Variants in CPQ observed in about 807,000 individuals in gnomAD.
CPQ encodes carboxypeptidase Q.
A neutral mutation model predicts 45.7 loss-of-function variants in CPQ; 37 were observed. The ratio of observed to expected loss-of-function variants is 0.81; its 90% CI spans 0.62 to 1.07. The LOEUF is 1.07. Ranked by LOEUF, CPQ falls within the 50% of genes least tolerant of loss-of-function variation. The pLI, the probability that CPQ is intolerant of heterozygous loss-of-function variation, is 0.00. For synonymous variants in CPQ, 186 were observed against 205.8 expected (o/e 0.90, Z 0.82); for missense variants, 537 against 572.9 (o/e 0.94, Z 0.64).
chr8:97,115,519 T>C (rs759816101), intron 7 of CPQ, among the ~76,000 whole-genome samples: 5 of 152,238 alleles, frequency 3.3e-5, no homozygotes, highest in East Asian at 1.9e-4. Context: ...CAGGTATTCA[T>C]GTTGTTGAAA....
At chr8:96,817,896 T>A (rs1220051395) in intron 2 of CPQ, among the ~76,000 whole-genome samples, 4 of 152,096 alleles carry the variant, frequency 2.6e-5, no homozygotes, top group South Asian at 2.1e-4. Flanking sequence ...ATTACAGCAA[T>A]GGGCCACCAC....
At chr8:96,704,581 G>C (rs115874521) in intron 1 of CPQ, among the ~76,000 whole-genome samples, 3,142 of 152,194 alleles carry the variant, frequency 0.021, 121 homozygotes, top group African/African-American at 0.072. Flanking sequence ...ACATTAGAAT[G>C]TGTGATATAA....
rs1205509178 is a variant in CPQ at position 96,954,896 on chromosome 8, C to T, written c.850-11039C>T. The stretch of plus-strand genomic sequence containing the variant: ...GTTTGCTGAGAATGATGGTTTCCAG[C>T]TTCATCCATGTCCCTACAAAGGACA... On this transcript the variant is annotated intron_variant, in intron 4 of 7. Coordinates refer to ENST00000220763, the MANE Select transcript of CPQ (RefSeq NM_016134.4). 2.0e-5 allele frequency among the ~76,000 whole-genome samples: 3 copies of T among 152,172 alleles called. No homozygotes were observed. The East Asian group carries it at 5.8e-4, about 29-fold the overall frequency.
chr8:97,017,836 T>C (rs1809609625), intron 5 of CPQ, among the ~76,000 whole-genome samples: 1 of 151,706 alleles, frequency 6.6e-6, no homozygotes, highest in Non-Finnish European at 1.5e-5. Flanking sequence ...CATATACTCT[T>C]GGCAGTTCTA....
chr8:96,800,403 T>C (rs1403232993), intron 2 of CPQ, among the ~76,000 whole-genome samples: 1 of 152,228 alleles, frequency 6.6e-6, no homozygotes, highest in Non-Finnish European at 1.5e-5. Context: ...AGCATGGTGC[T>C]GCCATTCTGG....
intron 2 of CPQ, among the ~76,000 whole-genome samples, chr8:96,818,317 C>T (rs116994289): frequency 0.016 from 2,499 of 151,852 alleles, 42 homozygotes; most frequent in Middle Eastern, 0.027. Flanking sequence ...GGGTGTAGTT[C>T]GTGGTGCTCC....
At chr8:96,964,173 T>TACACACACACACAC (rs71267285) in intron 4 of CPQ, among the ~76,000 whole-genome samples, 5 of 133,462 alleles carry the variant, frequency 3.7e-5, no homozygotes, top group African/African-American at 1.1e-4. Flanking sequence ...GGTTAAAGTA[T>TACACACACACACAC]ACACACACAC....
chr8:96,817,216 C>T (rs1811239720), intron 2 of CPQ, among the ~76,000 whole-genome samples: 2 of 152,080 alleles, frequency 1.3e-5, no homozygotes, highest in African/African-American at 2.4e-5. Context: ...CTAGCTATAG[C>T]TTCTACATTA....
chr8:96,799,669 T>C (rs1367978176), intron 2 of CPQ, among the ~76,000 whole-genome samples: 1 of 152,222 alleles, frequency 6.6e-6, no homozygotes, highest in Non-Finnish European at 1.5e-5. Context: ...GGAATTTACA[T>C]TGATCAAGTG....
At chr8:96,773,931 A>G (rs1287259762) in intron 1 of CPQ, among the ~76,000 whole-genome samples, 1 of 152,124 alleles carries the variant, frequency 6.6e-6, no homozygotes, top group Non-Finnish European at 1.5e-5. Context: ...TCATGACTTA[A>G]TTATCTCCCA....
chr8:96,839,252 G>A (rs1811573082), intron 3 of CPQ, among the ~76,000 whole-genome samples: 1 of 152,088 alleles, frequency 6.6e-6, no homozygotes, highest in Admixed American at 6.5e-5. Flanking sequence ...ACAGTTGCAT[G>A]ACAGATGTCC....
chr8:96,841,851 C>T (rs1033114032), intron 3 of CPQ, among the ~76,000 whole-genome samples: 1 of 152,028 alleles, frequency 6.6e-6, no homozygotes, highest in Non-Finnish European at 1.5e-5. Flanking sequence ...AATGCTATAC[C>T]ATCTGGTGAG....
Position 96,730,866 on chromosome 8 carries a change from C to CATACAT in CPQ, c.-34-53995_-34-53994insCATATA, listed in dbSNP as rs56216136. ...GATCTAGATCAATTAACCATACATA[C>CATACAT]ATATATATATATATATATATATATA... On this transcript the variant is annotated intron_variant, in intron 1 of 7. Coordinates refer to ENST00000220763, the MANE Select transcript of CPQ (RefSeq NM_016134.4). Among the ~76,000 whole-genome samples, 328 of 68,162 alleles carry CATACAT rather than the reference C, an allele frequency of 4.8e-3. 7 individuals are homozygous for CATACAT. The highest frequency in any genetic ancestry group is 0.01 in the Middle Eastern group (1 of 96). 44.7% of individuals were successfully genotyped at this position (68,162 alleles called of 152,430 possible).
chr8:96,865,470 A>G (rs1797182273), intron 3 of CPQ, among the ~76,000 whole-genome samples: 1 of 152,038 alleles, frequency 6.6e-6, no homozygotes, highest in Non-Finnish European at 1.5e-5. Flanking sequence ...CCTTATGCCC[A>G]GCGGGACCCT....
chr8:96,915,122 T>C (rs938354036), intron 4 of CPQ, among the ~76,000 whole-genome samples: 1 of 152,186 alleles, frequency 6.6e-6, no homozygotes, highest in African/African-American at 2.4e-5. Context: ...AGAGAACTGT[T>C]GAGCACTCCT....
intron 5 of CPQ, among the ~76,000 whole-genome samples, chr8:96,969,218 G>A (rs112130439): frequency 6.6e-6 from 1 of 152,212 alleles, no homozygotes; most frequent in Non-Finnish European, 1.5e-5. Context: ...CAGAAAAAAT[G>A]TAAATGTTGA....
chr8:97,025,869 A>G (rs1809791034), intron 5 of CPQ, among the ~76,000 whole-genome samples: 1 of 152,194 alleles, frequency 6.6e-6, no homozygotes. Flanking sequence ...AATTGTCTTC[A>G]GATTTCGGAT....
chr8:96,791,294 T>C (rs1230404983), intron 2 of CPQ, among the ~76,000 whole-genome samples: 1 of 152,204 alleles, frequency 6.6e-6, no homozygotes, highest in Admixed American at 6.6e-5. Context: ...GATTACTATT[T>C]TTAGCCATCT....
chr8:96,707,370 C>T (rs967576995), intron 1 of CPQ, among the ~76,000 whole-genome samples: 2 of 152,090 alleles, frequency 1.3e-5, no homozygotes, highest in South Asian at 2.1e-4. Context: ...CTACACTGGC[C>T]TAGTGCAAGT....
Sources: allele counts gnomAD v4.1 joint callset (sites outside exome capture counted in the v4.1 genomes callset), GRCh38; gene constraint gnomAD v4.1.1; transcripts MANE v1.5; gene names NCBI Gene and HGNC (gene_info 2026-07-23, HGNC 2026-07-21).